Variants in DIP2B observed in about 807,000 individuals in gnomAD.
DIP2B encodes disco-interacting protein 2 homolog B.
Under a neutral mutation model 198.0 loss-of-function variants are expected in DIP2B, and 76 were observed. That is an observed-to-expected ratio of 0.38 (90% confidence interval 0.32 to 0.46). DIP2B has a LOEUF of 0.46. Among genes scored for constraint, DIP2B ranks in the 20% least tolerant of loss-of-function variants. The pLI is 0.99. For missense variants in DIP2B, 1,559 were observed against 1,978.4 expected, an observed-to-expected ratio of 0.79 and a Z score of 4.02; for synonymous variants, 701 against 739.1, an observed-to-expected ratio of 0.95 and a Z score of 0.84.
intron 5 of DIP2B, among the ~76,000 whole-genome samples, chr12:50,672,027 T>G (rs1188611084): frequency 1.3e-5 from 2 of 152,198 alleles, no homozygotes; most frequent in Non-Finnish European, 2.9e-5. Flanking sequence ...CAGATAAAGA[T>G]ACAGCTCAGA....
intron 2 of DIP2B, among the ~76,000 whole-genome samples, chr12:50,633,637 G>A (rs1322667591): frequency 2.0e-5 from 3 of 152,060 alleles, no homozygotes; most frequent in South Asian, 2.1e-4. Flanking sequence ...GTGGTGGCGC[G>A]CACCTGTGGT....
intron 7 of DIP2B, among the ~76,000 whole-genome samples, chr12:50,677,301 C>T (rs900590495): frequency 7.9e-5 from 12 of 152,098 alleles, no homozygotes; most frequent in Non-Finnish European, 1.5e-4. Context: ...ATTTGTTCCA[C>T]GTGTAAATTA....
At chr12:50,726,634 A>G (rs1939940171) in intron 28 of DIP2B, among the ~76,000 whole-genome samples, 1 of 150,420 alleles carries the variant, frequency 6.6e-6, no homozygotes, top group African/African-American at 2.4e-5. Flanking sequence ...TACAAGTGTG[A>G]GCCACCGCAC....
chr12:50,544,624 C>CTT (rs66562074), intron 1 of DIP2B, among the ~76,000 whole-genome samples: 3 of 136,964 alleles, frequency 2.2e-5, no homozygotes, highest in South Asian at 2.3e-4. Flanking sequence ...CTTTCTTTTT[C>CTT]TTTTTTTTTT....
chr12:50,684,840 C>T (rs1939107152), intron 10 of DIP2B, among the ~76,000 whole-genome samples: 1 of 151,976 alleles, frequency 6.6e-6, no homozygotes, highest in Non-Finnish European at 1.5e-5. Flanking sequence ...GCCTGTAATC[C>T]TAGCACTTTG....
At chr12:50,525,661 C>T (rs1171199518) in intron 1 of DIP2B, among the ~76,000 whole-genome samples, 1 of 151,876 alleles carries the variant, frequency 6.6e-6, no homozygotes, top group Non-Finnish European at 1.5e-5. Context: ...TATAGGTTTG[C>T]ACTATCACAC....
chr12:50,550,480 T>A (rs1479775733), intron 1 of DIP2B, among the ~76,000 whole-genome samples: 3 of 152,240 alleles, frequency 2.0e-5, no homozygotes, highest in African/African-American at 7.2e-5. Flanking sequence ...TTAATAGCTC[T>A]ATAAAAGTTT....
At chr12:50,671,552 C>A (rs138315432) in intron 5 of DIP2B, among the ~76,000 whole-genome samples, 154 bp downstream of exon 5, 196 of 152,256 alleles carry the variant, frequency 1.3e-3, no homozygotes, top group African/African-American at 4.6e-3. Context: ...GATGGAAACA[C>A]CAGCAATACA....
At chr12:50,704,110 G>A (rs1230860861) in intron 19 of DIP2B, 30 bp from the exon 20 acceptor site, 2 of 1,594,114 alleles carry the variant, frequency 1.3e-6, no homozygotes, top group Non-Finnish European at 1.7e-6. Context: ...AAAAAGCAAA[G>A]TTTTTCACTT....
intron 9 of DIP2B, 34 bp downstream of exon 9, chr12:50,680,797 T>A: frequency 6.4e-7 from 1 of 1,568,924 alleles, no homozygotes; most frequent in Non-Finnish European, 8.7e-7. Flanking sequence ...AGGGAGGTGG[T>A]GTTTATTGTT....
chr12:50,547,571 T>G (rs1449409603), intron 1 of DIP2B, among the ~76,000 whole-genome samples: 2 of 152,178 alleles, frequency 1.3e-5, no homozygotes, highest in African/African-American at 4.8e-5. Flanking sequence ...GTTAAAAAAG[T>G]GAGCTAGAGT....
At chr12:50,626,497 C>T (rs1167247272) in intron 2 of DIP2B, among the ~76,000 whole-genome samples, 1 of 152,214 alleles carries the variant, frequency 6.6e-6, no homozygotes, top group Non-Finnish European at 1.5e-5. Context: ...AGACTTACTG[C>T]TTCTATAGAG....
intron 3 of DIP2B, among the ~76,000 whole-genome samples, chr12:50,650,093 C>T (rs1938427809): frequency 6.6e-6 from 1 of 152,002 alleles, no homozygotes; most frequent in African/African-American, 2.4e-5. Context: ...GCCTGTAATC[C>T]TAGCTACTCA....
At chr12:50,676,309 T>C (rs1315693787) in intron 7 of DIP2B, among the ~76,000 whole-genome samples, 4 of 152,328 alleles carry the variant, frequency 2.6e-5, no homozygotes, top group South Asian at 2.1e-4. Context: ...CTGAGACTAA[T>C]AGTAATAGGT....
chr12:50,658,863 C>T lies in DIP2B; in HGVS notation c.302-1331C>T, dbSNP rs577834818. ...CAGCACTTTAGTAGGCCGAGGCGGGCAGATGACAAGGTCAGGAGTTCAAGG... is the reference window on the plus strand; with the variant it reads ...CAGCACTTTAGTAGGCCGAGGCGGGTAGATGACAAGGTCAGGAGTTCAAGG... On this transcript the variant is annotated intron_variant, in intron 3 of 37. Transcript: ENST00000301180. Among the ~76,000 whole-genome samples, 186 of 152,106 alleles carry T rather than the reference C, an allele frequency of 1.2e-3. 1 individual carries two copies. Among genetic ancestry groups the T allele is most frequent in the African/African-American group, 4.2e-3 (176 of 41,496 alleles).
intron 1 of DIP2B, among the ~76,000 whole-genome samples, chr12:50,542,838 G>A (rs909519537): frequency 2.0e-5 from 3 of 152,094 alleles, no homozygotes; most frequent in Non-Finnish European, 4.4e-5. Flanking sequence ...TGTTTCTTGT[G>A]TTGTTTATTC....
intron 8 of DIP2B, 112 bp downstream of exon 8, chr12:50,678,988 T>G: frequency 8.3e-7 from 1 of 1,210,778 alleles, no homozygotes; most frequent in Non-Finnish European, 1.1e-6. Context: ...TCAGTAGATT[T>G]TTTCAATAAT....
intron 1 of DIP2B, among the ~76,000 whole-genome samples, chr12:50,561,276 T>C (rs1002059305): frequency 6.6e-6 from 1 of 152,232 alleles, no homozygotes; most frequent in Non-Finnish European, 1.5e-5. Flanking sequence ...TTCTTAAAGC[T>C]GAGTGTATTT....
At chr12:50,537,355 T>G (rs1455082734) in intron 1 of DIP2B, among the ~76,000 whole-genome samples, 1 of 152,060 alleles carries the variant, frequency 6.6e-6, no homozygotes, top group East Asian at 1.9e-4. Flanking sequence ...TGTGAAACAT[T>G]GAGGGAAGGA....
Sources: gnomAD v4.1 joint callset for allele counts (sites outside exome capture counted in the v4.1 genomes callset) on GRCh38, gnomAD v4.1.1 for gene constraint, MANE v1.5 for transcripts, NCBI Gene and HGNC (gene_info 2026-07-23, HGNC 2026-07-21) for gene names.